AHNAK: variants seen among roughly 807,000 people sequenced by gnomAD.
The protein encoded by AHNAK is neuroblast differentiation-associated protein AHNAK.
AHNAK carries 23 observed loss-of-function variants against 37.8 expected under a neutral mutation model. The observed-to-expected ratio is 0.61, with a 90% CI of 0.44 to 0.86. The LOEUF is 0.86. Ranked by LOEUF, AHNAK falls within the 40% of genes least tolerant of loss-of-function variation. AHNAK has a pLI of 0.00. For synonymous variants in AHNAK, 2,481 were observed against 2,636.3 expected, an observed-to-expected ratio of 0.94 and a Z score of 1.80; for missense variants, 7,411 against 7,319.4, an observed-to-expected ratio of 1.01 and a Z score of -0.46.
chr11:62,450,996 C>T (rs956863716), intron 5 of AHNAK, among the ~76,000 whole-genome samples: 4 of 140,938 alleles, frequency 2.8e-5, no homozygotes, highest in East Asian at 2.0e-4. Context: ...AGAGATGAGA[C>T]GGAGACCCAT....
chr11:62,539,663 C>T lies in AHNAK; in HGVS notation c.-99-3096G>A, dbSNP rs187436761. Among the ~76,000 whole-genome samples, 254 of 152,354 alleles carry T rather than the reference C, an allele frequency of 1.7e-3. 3 individuals are homozygous for T. Among genetic ancestry groups the T allele is most frequent in the African/African-American group, 4.7e-3 (194 of 41,588 alleles). On this transcript the variant is annotated intron_variant, in intron 1 of 4. Coordinates refer to ENST00000378024, the MANE Select transcript of AHNAK (RefSeq NM_001620.3). ...TGAGGCCCAGGACAGATGCAACCTA[C>T]GTGGTTCCTGAGGAGGGGAGAAACC...
intron 5 of AHNAK, among the ~76,000 whole-genome samples, chr11:62,487,863 G>C (rs1033594823): frequency 1.3e-5 from 2 of 152,146 alleles, no homozygotes; most frequent in African/African-American, 2.4e-5. Context: ...GACAGGAAAG[G>C]CTTGTTTCTC....
At chr11:62,435,521 C>T (rs1173536378) in intron 5 of AHNAK, among the ~76,000 whole-genome samples, 31 of 145,552 alleles carry the variant, frequency 2.1e-4, no homozygotes, top group Non-Finnish European at 7.6e-5. Flanking sequence ...CCGCCATTCT[C>T]CTGCCTCAGC....
chr11:62,537,599 A>G (rs1402437273), intron 1 of AHNAK: 1 of 152,168 alleles, frequency 6.6e-6, no homozygotes, highest in African/African-American at 2.4e-5. Flanking sequence ...AATTTCACAG[A>G]CAGAGACTGA....
rs752104660 is a variant in AHNAK, at chr11:62,523,477, A to G, written c.10940T>C (p.Ile3647Thr). Reference protein sequence around the residue: ...NVDVDVPDVNIEGPDAKLKGP... With the variant: ...NVDVDVPDVNTEGPDAKLKGP... Reference sequence around the variant, plus strand: ...CTTCAGCTTTGCATCTGGACCTTCAATATTCACGTCTGGAACATCAACGTC... The same window carrying G: ...CTTCAGCTTTGCATCTGGACCTTCAGTATTCACGTCTGGAACATCAACGTC... The change falls in exon 5 of 5, where the codon ATT becomes ACT. Residue 3647 changes from isoleucine (I) to threonine (T), a missense_variant. Transcript: ENST00000378024. 1.2e-6 allele frequency: 2 copies of G among 1,613,576 alleles called. No individual in the cohort carries two copies. Among genetic ancestry groups the G allele is most frequent in the South Asian group, 2.2e-5 (2 of 91,038 alleles).
In AHNAK at chr11:62,517,991, C is replaced by G; in HGVS notation, c.16426G>C (p.Val5476Leu). ...GATGEIKGPTVGGGLPGIGVQ... is the reference protein window; with the variant it reads ...GATGEIKGPTLGGGLPGIGVQ... ...CCAATGCCTGGAAGACCTCCTCCGA[C>G]AGTGGGGCCTTTGATCTCACCAGTG... is the stretch of plus-strand genomic sequence containing the variant. The change falls in exon 5 of 5, where the codon GTC (valine) becomes CTC (leucine). Residue 5476 changes from valine (V) to leucine (L), a missense_variant. By Grantham distance (32) the Val-to-Leu change is conservative. Transcript: ENST00000378024. 6.2e-7 allele frequency: 1 copy of G among 1,614,228 alleles called. No individual in the cohort carries two copies. Among genetic ancestry groups the G allele is most frequent in the Non-Finnish European group, 8.5e-7 (1 of 1,180,040 alleles).
chr11:62,505,974 G>A (rs1939803851), intron 4 of AHNAK, among the ~76,000 whole-genome samples: 1 of 137,212 alleles, frequency 7.3e-6, no homozygotes, highest in Admixed American at 8.2e-5. Context: ...GATCGCTGGA[G>A]CCCAGCCTGG....
intron 4 of AHNAK, among the ~76,000 whole-genome samples, chr11:62,506,713 G>T (rs752930831): frequency 3.9e-5 from 6 of 152,178 alleles, no homozygotes; most frequent in Non-Finnish European, 8.8e-5. Context: ...GGTGGGGCTC[G>T]TTACAATTCA....
rs1299210822 is a variant in AHNAK, at chr11:62,528,335, G to A, written c.6082C>T (p.Pro2028Ser). 1 of 1,613,872 alleles carries A rather than the reference G, an allele frequency of 6.2e-7. No individual in the cohort carries two copies. Among genetic ancestry groups the A allele is most frequent in the Non-Finnish European group, 8.5e-7 (1 of 1,180,002 alleles). Reference sequence around the variant, plus strand: ...TCTGGGGCATCAATGTCCATTTTGGGTCCTTTGATGTCAACATCTGGCACT... The same window carrying A: ...TCTGGGGCATCAATGTCCATTTTGGATCCTTTGATGTCAACATCTGGCACT... ...MKVPDVDIKG[P>S]KMDIDAPDVD... Residue 2028 changes from proline (P) to serine (S), a missense_variant, in exon 5 of 5, where the codon CCC becomes TCC. Pro to Ser is a moderately conservative substitution (Grantham distance 74, BLOSUM62 -1). Transcript: ENST00000378024.
Position 62,527,025 on chromosome 11 carries a change from T to C in AHNAK, c.7392A>G (p.Gly2464=). 6.2e-7 allele frequency: 1 copy of C among 1,613,916 alleles called. No individual in the cohort carries two copies. Among genetic ancestry groups the C allele is most frequent in the Non-Finnish European group, 8.5e-7 (1 of 1,179,906 alleles). The change falls in exon 5 of 5, where the codon GGA becomes GGG. Residue 2464 remains glycine (G), a synonymous_variant. Coordinates refer to ENST00000378024, the MANE Select transcript of AHNAK (RefSeq NM_001620.3). ...CATCCACATCCCCCTTGATTTTGGG[T>C]CCTTTGAGATTTAGATCAACATCAG... is the stretch of plus-strand genomic sequence containing the variant. The part of the protein sequence containing the change: ...SMPDVDLNLK[G]PKIKGDVDVS...
At chr11:62,509,290 G>A (rs189641471) in intron 4 of AHNAK, among the ~76,000 whole-genome samples, 112 of 152,174 alleles carry the variant, frequency 7.4e-4, no homozygotes, top group African/African-American at 2.3e-3. Flanking sequence ...ATAAACAGCC[G>A]GGCACGGTGG....
intron 5 of AHNAK, among the ~76,000 whole-genome samples, chr11:62,476,089 A>T (rs1939139417): frequency 6.6e-6 from 1 of 152,332 alleles, no homozygotes; most frequent in East Asian, 1.9e-4. Flanking sequence ...ACATCAATGC[A>T]TTCGGCCCAG....
In AHNAK at chr11:62,520,300, C is replaced by G; in HGVS notation, c.14117G>C (p.Gly4706Ala). 1 of 1,613,220 alleles carries G rather than the reference C, an allele frequency of 6.2e-7. No homozygotes were observed. The highest frequency in any genetic ancestry group is 8.5e-7 in the Non-Finnish European group (1 of 1,179,846). ...CATCTCAGGCATCTTGAACTTGGGG[C>G]CCTTTAGTTTCGCATCTGGACCTTC... Reference protein sequence around the residue: ...NIEGPDAKLKGPKFKMPEMSI... With the variant: ...NIEGPDAKLKAPKFKMPEMSI... Residue 4706 changes from glycine (G) to alanine (A), a missense_variant, in exon 5 of 5, where the codon GGC (glycine) becomes GCC (alanine). By Grantham distance (60) the Gly-to-Ala change is moderately conservative. Transcript: ENST00000378024.
In AHNAK at chr11:62,516,477, C is replaced by CA. The variant is rs1940021400; in HGVS notation, c.*266dup. ...AAACAGGAGCTCTCAGCAGTCAATG[C>CA]AAAAAAATATATATATATGAAATCT... On this transcript the variant is annotated 3_prime_UTR_variant, in exon 5 of 5. Coordinates refer to ENST00000378024, the MANE Select transcript of AHNAK (RefSeq NM_001620.3). The CA allele has an allele frequency of 1.1e-5, 14 of 1,328,264 alleles. No homozygotes were observed. In the East Asian group the frequency reaches 2.3e-4, roughly 22 times the overall value. 82.3% of individuals were successfully genotyped at this position (1,328,264 alleles called of 1,614,324 possible). A position where few individuals can be genotyped will look rare whatever the true frequency, so the allele number is the denominator to read the frequency against.
At position 62,533,883 on chromosome 11, in the gene AHNAK, A is replaced by G. The variant is rs753858104; in HGVS notation, c.534T>C (p.Pro178=). Residue 178 remains proline, a synonymous_variant, in exon 5 of 5, where the codon CCT becomes CCC. Coordinates refer to ENST00000378024, the MANE Select transcript of AHNAK (RefSeq NM_001620.3). ...GTCTTGGAATCTTGATCTTGAATTC[A>G]GGGCTACTGATGTCTATGTCCTTGG... ...EGAKDIDISS[P]EFKIKIPRHE... is the part of the protein sequence containing the mutation. 1.2e-6 allele frequency: 2 copies of G among 1,614,200 alleles called. No homozygotes were observed. Among genetic ancestry groups the G allele is most frequent in the Non-Finnish European group, 8.5e-7 (1 of 1,180,028 alleles).
rs1360198360 is a variant in AHNAK at position 62,517,798 on chromosome 11, T to C, written c.16619A>G (p.Asp5540Gly). ...SEVGFHGAAP[D>G]ISVKGPAFNM... Reference sequence around the variant, plus strand: ...AAAGGCAGGCCCCTTCACACTGATATCAGGAGCAGCCCCATGGAAACCTAC... The same window carrying C: ...AAAGGCAGGCCCCTTCACACTGATACCAGGAGCAGCCCCATGGAAACCTAC... Residue 5540 changes from aspartate (D) to glycine (G), a missense_variant, in exon 5 of 5, where the codon GAT (aspartate) becomes GGT (glycine). Transcript: ENST00000378024. 2 of 1,614,176 alleles carry C rather than the reference T, an allele frequency of 1.2e-6. No individual in the cohort carries two copies. Among genetic ancestry groups the C allele is most frequent in the Non-Finnish European group, 8.5e-7 (1 of 1,180,018 alleles).
chr11:62,535,383 T>C (rs914849466), intron 3 of AHNAK, among the ~76,000 whole-genome samples, 193 bp from the exon 4 acceptor site: 2 of 152,100 alleles, frequency 1.3e-5, no homozygotes, highest in African/African-American at 4.8e-5. Flanking sequence ...GTGCAGTGGC[T>C]CACACCTGTA....
rs752461320 is a variant in AHNAK at position 62,528,198 on chromosome 11, G to A, written c.6219C>T (p.Pro2073=). 5 of 1,613,742 alleles carry A rather than the reference G, an allele frequency of 3.1e-6. No individual in the cohort carries two copies. The highest frequency in any genetic ancestry group is 4.2e-6 in the Non-Finnish European group (5 of 1,179,996). Reference sequence around the variant, plus strand: ...GTCCTGAGACAACAACATCAGCCTTGGGCAAGTTCACATCCACTTCTGGGC... The same window carrying A: ...GTCCTGAGACAACAACATCAGCCTTAGGCAAGTTCACATCCACTTCTGGGC... ...AEGPEVDVNL[P]KADVVVSGPK... The change falls in exon 5 of 5, where the codon CCC becomes CCT. Residue 2073 remains proline, a synonymous_variant. Coordinates refer to ENST00000378024, the MANE Select transcript of AHNAK (RefSeq NM_001620.3).
At chr11:62,508,625 A>G (rs1939852307) in intron 4 of AHNAK, among the ~76,000 whole-genome samples, 1 of 152,248 alleles carries the variant, frequency 6.6e-6, no homozygotes, top group Admixed American at 6.5e-5. Context: ...TGCCCTCCTC[A>G]GCAGAATGTT....
Sources: gnomAD v4.1 joint callset for allele counts (sites outside exome capture counted in the v4.1 genomes callset) on GRCh38, gnomAD v4.1.1 for gene constraint, MANE v1.5 for transcripts, NCBI Gene and HGNC (gene_info 2026-07-23, HGNC 2026-07-21) for gene names.